C4BPA: variants seen among roughly 807,000 people sequenced by gnomAD.
The protein encoded by C4BPA is C4b-binding protein alpha chain.
Under a neutral mutation model 63.7 loss-of-function variants are expected in C4BPA, and 31 were observed. The observed-to-expected ratio is 0.49, with a 90% CI of 0.37 to 0.66. The LOEUF is 0.66. C4BPA is among the 30% of genes least tolerant of loss of function. The probability of loss-of-function intolerance (pLI) is 0.00; values close to 1 mark genes in which losing one functional copy is unlikely to be tolerated. For missense variants in C4BPA, 572 were observed against 723.3 expected (o/e 0.79, Z 2.40); for synonymous variants, 259 against 254.7 (o/e 1.02, Z -0.16).
intron 9 of C4BPA, among the ~76,000 whole-genome samples, chr1:207,139,622 G>T (rs1685368941): frequency 6.6e-6 from 1 of 152,172 alleles, no homozygotes; most frequent in African/African-American, 2.4e-5. Context: ...TAAGGTAGAT[G>T]ACCACAAACT....
chr1:207,124,082 G>C (rs778440020), intron 5 of C4BPA, 75 bp downstream of exon 5: 75 of 1,481,292 alleles, frequency 5.1e-5, no homozygotes, highest in Non-Finnish European at 7.0e-5. Flanking sequence ...CATCTTTACA[G>C]GTATGTGTAC....
At chr1:207,117,431 A>G (rs1317333645) in intron 4 of C4BPA, among the ~76,000 whole-genome samples, 1 of 152,206 alleles carries the variant, frequency 6.6e-6, no homozygotes, top group African/African-American at 2.4e-5. Flanking sequence ...AACCTGGGTG[A>G]CAGGGCAAGA....
rs762996720 is a variant in C4BPA at position 207,120,455 on chromosome 1, C to T, written c.429-3467C>T. Among the ~76,000 whole-genome samples the T allele has an allele frequency of 9.8e-5, 15 of 152,292 alleles. No homozygotes were observed. In the South Asian group the frequency reaches 1.2e-3, roughly 13 times the overall value. On this transcript the variant is annotated intron_variant, in intron 4 of 11. Coordinates refer to ENST00000367070, the MANE Select transcript of C4BPA (RefSeq NM_000715.4). ...TGCTGCGTCCCCCAGTAGAAGCATT[C>T]TTCCACTGAAGACTTCCAAACTGAC...
intron 8 of C4BPA, among the ~76,000 whole-genome samples, chr1:207,132,810 C>T (rs971936286): frequency 2.6e-5 from 4 of 152,072 alleles, no homozygotes; most frequent in Admixed American, 1.3e-4. Flanking sequence ...ATTGCTTGAG[C>T]CCACGAGTTT....
In C4BPA at chr1:207,134,415, C is replaced by T; in HGVS notation, c.1096C>T (p.Pro366Ser). Residue 366 changes from proline (P) to serine (S), a missense_variant, in exon 9 of 12, where the codon CCT (proline) becomes TCT (serine). Around this residue, in one of 2 missense-constraint regions of C4BPA, gnomAD observed 465 missense variants for 629.4 expected, o/e 0.74. Coordinates refer to ENST00000367070, the MANE Select transcript of C4BPA (RefSeq NM_000715.4). The stretch of plus-strand genomic sequence containing the variant: ...ATTTTATTTTTCAGCGTTATGTTGC[C>T]CTGAACCAAAGCTAAATAATGGTGA... ...PYQGCEALCCPEPKLNNGEIT... is the reference protein window; with the variant it reads ...PYQGCEALCCSEPKLNNGEIT... 2 of 1,612,598 alleles carry T rather than the reference C, an allele frequency of 1.2e-6. No homozygotes were observed. Among genetic ancestry groups the T allele is most frequent in the Non-Finnish European group, 1.7e-6 (2 of 1,179,142 alleles).
chr1:207,118,213 G>A (rs113368054), intron 4 of C4BPA, among the ~76,000 whole-genome samples: 28,060 of 133,764 alleles, frequency 0.21, 3,444 homozygotes, highest in Non-Finnish European at 0.26. Flanking sequence ...TCTATCATCT[G>A]TCTATCTATC....
intron 1 of C4BPA, among the ~76,000 whole-genome samples, chr1:207,109,587 A>G (rs574062610): frequency 1.3e-5 from 2 of 152,230 alleles, no homozygotes; most frequent in African/African-American, 2.4e-5. Flanking sequence ...TCCAGAGCCC[A>G]TGCCCAAGGT....
chr1:207,138,038 A>T (rs1302303608), intron 9 of C4BPA, among the ~76,000 whole-genome samples: 1 of 152,240 alleles, frequency 6.6e-6, no homozygotes, highest in Non-Finnish European at 1.5e-5. Context: ...TAACTCTGGA[A>T]TGCCTTGGCC....
At chr1:207,126,395 C>A (rs1006321396) in intron 6 of C4BPA, among the ~76,000 whole-genome samples, 1 of 148,100 alleles carries the variant, frequency 6.8e-6, no homozygotes, top group African/African-American at 2.5e-5. Context: ...TAAATAATTT[C>A]AGCTTTTAAA....
At chr1:207,135,269 C>T (rs1291399059) in intron 9 of C4BPA, among the ~76,000 whole-genome samples, 1 of 151,970 alleles carries the variant, frequency 6.6e-6, no homozygotes, top group Non-Finnish European at 1.5e-5. Flanking sequence ...CCTCGGGAGG[C>T]GGAGGTTGCA....
chr1:207,123,992 C>G lies in C4BPA; in HGVS notation c.499C>G (p.Leu167Val). 3 of 1,609,686 alleles carry G rather than the reference C, an allele frequency of 1.9e-6. No individual in the cohort carries two copies. The highest frequency in any genetic ancestry group is 2.5e-6 in the Non-Finnish European group (3 of 1,176,828). ...TAGAGGAGTTGGCTGGAGTCATCCT[C>G]TCCCACAATGTGAAAGTAAGTAAAG... ...QDRGVGWSHP[L>V]PQCEIVKCKP... The change falls in exon 5 of 12, where the codon CTC (leucine) becomes GTC (valine). Residue 167 changes from leucine to valine, a missense_variant. Leu to Val is a conservative substitution (Grantham distance 32). This residue lies in a region of C4BPA where 465 missense variants were observed against 629.4 expected (regional missense o/e 0.74). Coordinates refer to ENST00000367070, the MANE Select transcript of C4BPA (RefSeq NM_000715.4).
chr1:207,117,055 AT>A (rs1264500430), intron 4 of C4BPA, among the ~76,000 whole-genome samples: 1 of 152,136 alleles, frequency 6.6e-6, no homozygotes, highest in East Asian at 1.9e-4. Context: ...GAGCTATCTT[AT>A]TGCTCTTCTT....
chr1:207,128,737 T>G (rs1264346311), intron 7 of C4BPA, among the ~76,000 whole-genome samples: 1 of 152,188 alleles, frequency 6.6e-6, no homozygotes, highest in Non-Finnish European at 1.5e-5. Flanking sequence ...CAGACTTAAC[T>G]GAACTAGTCC....
At chr1:207,128,290 G>A (rs1685088884) in intron 7 of C4BPA, among the ~76,000 whole-genome samples, 1 of 152,204 alleles carries the variant, frequency 6.6e-6, no homozygotes, top group Admixed American at 6.5e-5. Context: ...GGCAGTGCCA[G>A]TTCCTACTTC....
chr1:207,113,253 C>T, intron 2 of C4BPA, 86 bp downstream of exon 2: 1 of 1,436,846 alleles, frequency 7.0e-7, no homozygotes, highest in Non-Finnish European at 9.5e-7. Flanking sequence ...AAAATGATGA[C>T]TGAGCTTCTA....
chr1:207,144,700 T>G lies in C4BPA; in HGVS notation c.1777T>G (p.Leu593Val). 1.2e-6 allele frequency: 2 copies of G among 1,600,920 alleles called. No homozygotes were observed. The highest frequency in any genetic ancestry group is 2.3e-5 in the South Asian group (2 of 88,170). ...LQRDSARQST[L>V]DKEL The stretch of plus-strand genomic sequence containing the variant: ...GAGAGACAGCGCAAGACAATCCACT[T>G]TGGATAAAGAACTATAATTTTTCTC... Residue 593 changes from leucine (L) to valine (V), a missense_variant, in exon 12 of 12, where the codon TTG (leucine) becomes GTG (valine). Leu to Val is a conservative substitution (Grantham distance 32, BLOSUM62 1). Around this residue, in one of 2 missense-constraint regions of C4BPA, gnomAD observed 465 missense variants for 629.4 expected, o/e 0.74. Coordinates refer to ENST00000367070, the MANE Select transcript of C4BPA (RefSeq NM_000715.4).
chr1:207,137,913 G>A (rs981433400), intron 9 of C4BPA, among the ~76,000 whole-genome samples: 1 of 152,130 alleles, frequency 6.6e-6, no homozygotes, highest in African/African-American at 2.4e-5. Context: ...CCACCGCACT[G>A]AGCCATAAAT....
At chr1:207,139,839 T>G (rs1193153323) in intron 9 of C4BPA, among the ~76,000 whole-genome samples, 2 of 152,212 alleles carry the variant, frequency 1.3e-5, no homozygotes, top group African/African-American at 2.4e-5. Flanking sequence ...GGCTTCATCT[T>G]CAATTAATGA....
intron 9 of C4BPA, among the ~76,000 whole-genome samples, chr1:207,139,631 C>G (rs1685369328): frequency 6.6e-6 from 1 of 152,208 alleles, no homozygotes; most frequent in South Asian, 2.1e-4. Flanking sequence ...TGACCACAAA[C>G]TGGTCTAATA....
Sources: allele counts gnomAD v4.1 joint callset (sites outside exome capture counted in the v4.1 genomes callset), GRCh38; gene constraint gnomAD v4.1.1; regional missense constraint gnomAD v4.1.1; transcripts MANE v1.5; gene names NCBI Gene and HGNC (gene_info 2026-07-23, HGNC 2026-07-21).